ADAMTS12: variants seen among roughly 807,000 people sequenced by gnomAD.
The protein encoded by ADAMTS12 is ADAM metallopeptidase with thrombospondin type 1 motif 12.
In ADAMTS12, 118 loss-of-function variants were observed where a neutral mutation model predicts 167.8. That is an observed-to-expected ratio of 0.70 (90% CI 0.61 to 0.82). The LOEUF is 0.82. Ranked by LOEUF, ADAMTS12 falls within the 40% of genes least tolerant of loss-of-function variation. The pLI, the probability that ADAMTS12 is intolerant of heterozygous loss-of-function variation, is 0.00. For synonymous variants in ADAMTS12, 704 were observed against 716.9 expected, an observed-to-expected ratio of 0.98 and a Z score of 0.29; for missense variants, 1,916 against 1,998.8, an observed-to-expected ratio of 0.96 and a Z score of 0.79.
chr5:33,535,220 G>A (rs1166011680), intron 22 of ADAMTS12, among the ~76,000 whole-genome samples: 1 of 152,170 alleles, frequency 6.6e-6, no homozygotes, highest in Non-Finnish European at 1.5e-5. Flanking sequence ...TTACTATTAG[G>A]TTCTCTGCAG....
intron 2 of ADAMTS12, among the ~76,000 whole-genome samples, chr5:33,796,733 G>C (rs910971593): frequency 2.0e-5 from 3 of 152,166 alleles, no homozygotes; most frequent in African/African-American, 7.2e-5. Flanking sequence ...CTGAGATCAA[G>C]CCTATGGCAA....
chr5:33,863,918 G>A (rs1029866515), intron 2 of ADAMTS12, among the ~76,000 whole-genome samples: 2 of 152,152 alleles, frequency 1.3e-5, no homozygotes, highest in Non-Finnish European at 2.9e-5. Flanking sequence ...ACAACCATCT[G>A]ATCTTTGATG....
intron 19 of ADAMTS12, among the ~76,000 whole-genome samples, chr5:33,569,926 G>A (rs1297479050): frequency 2.0e-5 from 3 of 152,224 alleles, no homozygotes; most frequent in Admixed American, 6.5e-5. Flanking sequence ...TGAAAGCCAA[G>A]GCTCAAGAAC....
At chr5:33,540,569 C>T (rs965594071) in intron 22 of ADAMTS12, among the ~76,000 whole-genome samples, 3 of 152,218 alleles carry the variant, frequency 2.0e-5, no homozygotes, top group Admixed American at 6.5e-5. Context: ...GGCCAACAGA[C>T]ACATCATATA....
chr5:33,803,314 C>T (rs1747079663), intron 2 of ADAMTS12, among the ~76,000 whole-genome samples: 2 of 152,226 alleles, frequency 1.3e-5, no homozygotes, highest in African/African-American at 4.8e-5. Context: ...GGTGACCGGA[C>T]ATAAGCCCTG....
At chr5:33,580,314 A>G (rs565517704) in intron 18 of ADAMTS12, among the ~76,000 whole-genome samples, 5 of 152,296 alleles carry the variant, frequency 3.3e-5, no homozygotes, top group African/African-American at 1.2e-4. Flanking sequence ...GGGGAAGCAG[A>G]CACATCCTTC....
intron 1 of ADAMTS12, among the ~76,000 whole-genome samples, chr5:33,891,016 C>T (rs1750821758): frequency 6.6e-6 from 1 of 152,146 alleles, no homozygotes; most frequent in Non-Finnish European, 1.5e-5. Context: ...TCTGACCCTT[C>T]CAAGTCCAAT....
At chr5:33,591,409 A>G (rs1456774407) in intron 17 of ADAMTS12, among the ~76,000 whole-genome samples, 1 of 152,236 alleles carries the variant, frequency 6.6e-6, no homozygotes, top group Non-Finnish European at 1.5e-5. Context: ...ACCCTTGCTG[A>G]GAATAGTAAT....
intron 5 of ADAMTS12, among the ~76,000 whole-genome samples, chr5:33,681,708 C>G (rs1435184042): frequency 3.3e-5 from 5 of 152,136 alleles, no homozygotes; most frequent in African/African-American, 1.2e-4. Context: ...TCTGAAGAGG[C>G]AGCATTTACA....
chr5:33,702,579 G>C (rs559286091), intron 3 of ADAMTS12, among the ~76,000 whole-genome samples: 2 of 152,110 alleles, frequency 1.3e-5, no homozygotes, highest in African/African-American at 4.8e-5. Flanking sequence ...AAATGAACTG[G>C]CTCACCCAGT....
At chr5:33,853,986 C>T (rs1749313864) in intron 2 of ADAMTS12, among the ~76,000 whole-genome samples, 1 of 152,202 alleles carries the variant, frequency 6.6e-6, no homozygotes, top group African/African-American at 2.4e-5. Flanking sequence ...AGTGCATAGT[C>T]GAGCTAGGAC....
At chr5:33,651,563 T>A (rs1294618073) in intron 7 of ADAMTS12, among the ~76,000 whole-genome samples, 1 of 152,206 alleles carries the variant, frequency 6.6e-6, no homozygotes, top group East Asian at 1.9e-4. Context: ...ATCTCGCCAA[T>A]GTTTCTTAGT....
At chr5:33,723,635 A>G (rs1197049022) in intron 3 of ADAMTS12, among the ~76,000 whole-genome samples, 1 of 152,174 alleles carries the variant, frequency 6.6e-6, no homozygotes, top group Non-Finnish European at 1.5e-5. Context: ...TTCCTCCTCC[A>G]GAAACTGAAC....
chr5:33,574,372 A>T (rs1346273545), intron 19 of ADAMTS12, among the ~76,000 whole-genome samples: 1 of 152,108 alleles, frequency 6.6e-6, no homozygotes, highest in Non-Finnish European at 1.5e-5. Flanking sequence ...GATAGATCGG[A>T]TTAAGAAAAT....
intron 19 of ADAMTS12, among the ~76,000 whole-genome samples, chr5:33,565,521 AG>A (rs964302139): frequency 2.5e-4 from 38 of 152,236 alleles, no homozygotes; most frequent in African/African-American, 8.2e-4. Context: ...CCCTGTCATG[AG>A]GGGGGACTCT....
intron 23 of ADAMTS12, among the ~76,000 whole-genome samples, chr5:33,533,344 A>C (rs926464339): frequency 6.6e-6 from 1 of 152,210 alleles, no homozygotes; most frequent in East Asian, 1.9e-4. Flanking sequence ...CATAGAAGGT[A>C]ATGAAATGAA....
At chr5:33,699,327 G>A (rs1306819069) in intron 3 of ADAMTS12, among the ~76,000 whole-genome samples, 4 of 151,348 alleles carry the variant, frequency 2.6e-5, no homozygotes, top group East Asian at 1.9e-4. Flanking sequence ...TGGTCTTCTC[G>A]ACTAAGATGT....
In ADAMTS12 at chr5:33,713,331, C is replaced by T. The variant is rs139882038; in HGVS notation, c.635-29276G>A. On this transcript the variant is annotated intron_variant, in intron 3 of 23. Coordinates refer to ENST00000504830, the MANE Select transcript of ADAMTS12 (RefSeq NM_030955.4). ...GAAATCAAGTTCTAGGGAGCAAAAA[C>T]AGAACCAAGTAAACAGAAACCACCA... 3.3e-3 allele frequency among the ~76,000 whole-genome samples: 498 copies of T among 152,214 alleles called. 1 individual carries two copies. Among genetic ancestry groups the T allele is most frequent in the African/African-American group, 0.012 (481 of 41,532 alleles).
intron 20 of ADAMTS12, among the ~76,000 whole-genome samples, 186 bp downstream of exon 20, chr5:33,560,841 G>A (rs1452195810): frequency 4.1e-5 from 6 of 144,750 alleles, no homozygotes; most frequent in Admixed American, 6.9e-5. Context: ...AATGGGTGCA[G>A]CACACCAACA....
Sources: allele counts gnomAD v4.1 joint callset (sites outside exome capture counted in the v4.1 genomes callset), GRCh38; gene constraint gnomAD v4.1.1; transcripts MANE v1.5; gene names NCBI Gene and HGNC (gene_info 2026-07-23, HGNC 2026-07-21).